RALYL: variants seen among roughly 807,000 people sequenced by gnomAD.
RALYL encodes the protein RALY RNA binding protein like, also known as RNA-binding Raly-like protein.
In RALYL, 29 loss-of-function variants were observed where a neutral mutation model predicts 35.1. The observed-to-expected ratio is 0.83, with a 90% confidence interval of 0.61 to 1.13. The LOEUF (loss-of-function observed/expected upper bound fraction) is 1.13. Ranked by LOEUF, RALYL falls within the 50% of genes most tolerant of loss-of-function variation. The probability of loss-of-function intolerance (pLI) is 0.00; values close to 1 mark genes in which losing one functional copy is unlikely to be tolerated. For synonymous variants in RALYL, 120 were observed against 127.6 expected, an observed-to-expected ratio of 0.94 and a Z score of 0.40; for missense variants, 359 against 360.4, an observed-to-expected ratio of 1.00 and a Z score of 0.03.
intron 1 of RALYL, among the ~76,000 whole-genome samples, chr8:84,518,809 G>A (rs1250797330): frequency 6.6e-6 from 1 of 152,110 alleles, no homozygotes; most frequent in Non-Finnish European, 1.5e-5. Flanking sequence ...AAATCACTTA[G>A]CGATCTTAAC....
At chr8:84,854,355 AAAGAAAAAGG>A (rs33912124) in intron 5 of RALYL, among the ~76,000 whole-genome samples, 42,388 of 151,674 alleles carry the variant, frequency 0.28, 6,437 homozygotes, top group East Asian at 0.63. Flanking sequence ...AAAAAAAGAA[AAAGAAAAAGG>A]AAGAAAAAGA....
At chr8:84,588,319 A>ATCTT (rs1223266037) in intron 2 of RALYL, among the ~76,000 whole-genome samples, 2 of 152,178 alleles carry the variant, frequency 1.3e-5, no homozygotes, top group Admixed American at 1.3e-4. Context: ...AAGGAAAGAA[A>ATCTT]TCTGTGTTTC....
At chr8:84,368,583 C>T (rs370813908) in intron 1 of RALYL, among the ~76,000 whole-genome samples, 27 of 152,138 alleles carry the variant, frequency 1.8e-4, no homozygotes, top group African/African-American at 4.3e-4. Flanking sequence ...GCCTCACAAT[C>T]ATGGTGGAAG....
chr8:84,185,083 CT>C (rs1000091709), intron 1 of RALYL: 67 of 1,532,112 alleles, frequency 4.4e-5, no homozygotes, highest in South Asian at 5.6e-5. Flanking sequence ...GTCTTTGGAT[CT>C]TTTTTTTCCC....
chr8:84,353,656 A>T (rs1851318381), intron 1 of RALYL, among the ~76,000 whole-genome samples: 1 of 150,328 alleles, frequency 6.7e-6, no homozygotes, highest in South Asian at 2.1e-4. Flanking sequence ...ATATGTTACA[A>T]GGTGCAAGAC....
intron 2 of RALYL, among the ~76,000 whole-genome samples, chr8:84,602,560 A>G (rs997574484): frequency 6.6e-6 from 1 of 152,078 alleles, no homozygotes; most frequent in Non-Finnish European, 1.5e-5. Flanking sequence ...GCATTTGTCC[A>G]CTGAGATCCT....
intron 2 of RALYL, among the ~76,000 whole-genome samples, chr8:84,669,769 T>C (rs1311465604): frequency 2.0e-5 from 3 of 152,032 alleles, no homozygotes; most frequent in Non-Finnish European, 4.4e-5. Flanking sequence ...ATGGAGAAGG[T>C]GTGTCCCAAC....
chr8:84,689,812 AT>A (rs1243359887), intron 2 of RALYL, among the ~76,000 whole-genome samples: 2 of 152,094 alleles, frequency 1.3e-5, no homozygotes, highest in African/African-American at 4.8e-5. Context: ...TTTGATTTGC[AT>A]TTCTCTGATG....
rs149795324 is a variant in RALYL, at chr8:84,512,159, A to G, written c.-23-17140A>G. Among the ~76,000 whole-genome samples the G allele has an allele frequency of 3.9e-5, 6 of 152,214 alleles. No homozygotes were observed. The East Asian group carries it at 5.8e-4, about 15-fold the overall frequency. ...GATATAATCATTTGTATTCCCCCCA[A>G]TAGTGTATAAGAGTTCCCTTTTCTA... On this transcript the variant is annotated intron_variant, in intron 1 of 8. Transcript: ENST00000521268.
At chr8:84,767,028 A>G (rs141733140) in intron 2 of RALYL, among the ~76,000 whole-genome samples, 174 of 152,268 alleles carry the variant, frequency 1.1e-3, no homozygotes, top group African/African-American at 3.6e-3. Flanking sequence ...GAGGTGGGAG[A>G]GTCACATCTA....
intron 3 of RALYL, among the ~76,000 whole-genome samples, chr8:84,797,320 T>A (rs1305167695): frequency 6.6e-6 from 1 of 152,226 alleles, no homozygotes; most frequent in Non-Finnish European, 1.5e-5. Flanking sequence ...GCAATTAAAC[T>A]TCAACGTGAG....
intron 1 of RALYL, among the ~76,000 whole-genome samples, chr8:84,216,743 A>T (rs1408300953): frequency 6.6e-6 from 1 of 152,172 alleles, no homozygotes; most frequent in Non-Finnish European, 1.5e-5. Context: ...TTGAAATGTG[A>T]CTACTGTGAC....
chr8:84,806,548 C>A (rs1270477371), intron 4 of RALYL, among the ~76,000 whole-genome samples: 2 of 150,692 alleles, frequency 1.3e-5, no homozygotes, highest in Non-Finnish European at 2.9e-5. Flanking sequence ...ATTATTAGAA[C>A]CCTGAGAAAA....
chr8:84,194,983 T>C (rs1814867839), intron 1 of RALYL, among the ~76,000 whole-genome samples: 3 of 152,018 alleles, frequency 2.0e-5, no homozygotes, highest in East Asian at 1.9e-4. Context: ...GGTACAGCAA[T>C]AGGTCAGCAA....
At chr8:84,266,946 C>A (rs1362303231) in intron 1 of RALYL, among the ~76,000 whole-genome samples, 1 of 126,774 alleles carries the variant, frequency 7.9e-6, no homozygotes, top group Non-Finnish European at 1.6e-5. Context: ...GGCGACAGAG[C>A]GAGACTCCGT....
chr8:84,820,540 GT>G (rs577930818), intron 4 of RALYL, among the ~76,000 whole-genome samples: 10 of 152,102 alleles, frequency 6.6e-5, no homozygotes, highest in African/African-American at 2.4e-4. Flanking sequence ...GTTTTGTCTT[GT>G]TTTTTTAATT....
chr8:84,780,953 G>A (rs1056519912), intron 3 of RALYL, among the ~76,000 whole-genome samples: 1 of 152,174 alleles, frequency 6.6e-6, no homozygotes, highest in Non-Finnish European at 1.5e-5. Context: ...CCGCCTCCCA[G>A]GTTCGAGTGA....
chr8:84,529,651 A>G (rs2059146055), intron 2 of RALYL, 74 bp downstream of exon 2: 2 of 1,385,444 alleles, frequency 1.4e-6, no homozygotes, highest in African/African-American at 1.4e-5. Flanking sequence ...ACAAAACCCA[A>G]CACCACTGTT....
At chr8:84,419,087 G>A (rs1245626935) in intron 1 of RALYL, among the ~76,000 whole-genome samples, 1 of 152,076 alleles carries the variant, frequency 6.6e-6, no homozygotes, top group East Asian at 1.9e-4. Context: ...GTGAAAAGAG[G>A]ATATTGTGAG....
Sources: allele counts gnomAD v4.1 joint callset (sites outside exome capture counted in the v4.1 genomes callset), GRCh38; gene constraint gnomAD v4.1.1; transcripts MANE v1.5; gene names NCBI Gene and HGNC (gene_info 2026-07-23, HGNC 2026-07-21).